Variants in DOK7 observed in about 807,000 individuals in gnomAD.
DOK7 encodes the protein docking protein 7, also known as protein Dok-7.
Under a neutral mutation model 30.7 loss-of-function variants are expected in DOK7, and 32 were observed. The ratio of observed to expected loss-of-function variants is 1.04; its 90% CI spans 0.79 to 1.40. DOK7 has a LOEUF of 1.40. Ranked by LOEUF, DOK7 falls within the 40% of genes most tolerant of loss-of-function variation. The pLI is 0.00. For missense variants in DOK7, 1,007 were observed against 699.2 expected, an observed-to-expected ratio of 1.44 and a Z score of -4.97; for synonymous variants, 447 against 324.1, an observed-to-expected ratio of 1.38 and a Z score of -4.07.
At chr4:3,500,439 G>A (rs1378227098) in intron 7 of DOK7, 1 of 1,531,736 alleles carries the variant, frequency 6.5e-7, no homozygotes, top group African/African-American at 1.4e-5. Flanking sequence ...ACTGACAATT[G>A]GGGGCTGGGA....
chr4:3,497,500 G>C (rs1012899183), downstream of DOK7, among the ~76,000 whole-genome samples: 2 of 152,160 alleles, frequency 1.3e-5, no homozygotes, highest in Admixed American at 6.5e-5. Flanking sequence ...CCCTGCTGAA[G>C]GTTGGGCAGG....
chr4:3,496,878 C>G, downstream of DOK7: 1 of 1,530,368 alleles, frequency 6.5e-7, no homozygotes, highest in Non-Finnish European at 8.7e-7. Context: ...CACCTGGAGC[C>G]AGTCCCCCAG....
chr4:3,468,728 GTA>G (rs1233344679), intron 2 of DOK7, among the ~76,000 whole-genome samples: 2 of 143,658 alleles, frequency 1.4e-5, no homozygotes, highest in African/African-American at 2.6e-5. Flanking sequence ...GTGCGTGCCT[GTA>G]TGTCTGCCTG....
At chr4:3,500,321 G>C in exon 7 of DOK7, 23 of 1,535,960 alleles carry the variant, frequency 1.5e-5, no homozygotes, top group Non-Finnish European at 2.0e-5. Flanking sequence ...CCACTTACGT[G>C]AACATCCCCG....
In DOK7 at chr4:3,494,002, G is replaced by A. The variant is rs1728738249; in HGVS notation, c.*501G>A. 7.0e-6 allele frequency: 7 copies of A among 993,042 alleles called. No homozygotes were observed. Among genetic ancestry groups the A allele is most frequent in the African/African-American group, 1.7e-5 (1 of 57,384 alleles). 61.5% of individuals were successfully genotyped at this position (993,042 alleles called of 1,614,324 possible). On this transcript the variant is annotated 3_prime_UTR_variant, in exon 7 of 7. Transcript: ENST00000340083. ...GGCTCCACCAGCCCAGCCCCCCTGG[G>A]CTCCGTGTGCGCTGGGCCTCATCCC...
chr4:3,485,394 C>A, intron 4 of DOK7, 145 bp from the exon 5 acceptor site: 1 of 1,138,434 alleles, frequency 8.8e-7, no homozygotes, highest in Non-Finnish European at 1.2e-6. Context: ...GGGGTGTCGG[C>A]TCTGGGCATC....
intron 6 of DOK7, among the ~76,000 whole-genome samples, chr4:3,492,444 G>A (rs1000250741): frequency 6.6e-6 from 1 of 152,080 alleles, no homozygotes; most frequent in East Asian, 1.9e-4. Flanking sequence ...TGTTAGGCAG[G>A]GAGGGTGGGG....
chr4:3,467,479 C>T (rs1191856689), intron 2 of DOK7, among the ~76,000 whole-genome samples: 1 of 144,218 alleles, frequency 6.9e-6, no homozygotes, highest in Admixed American at 6.8e-5. Flanking sequence ...ACATCCCTCC[C>T]CAACCCAAGT....
chr4:3,486,543 A>G (rs1419983784), intron 5 of DOK7, among the ~76,000 whole-genome samples: 1 of 152,166 alleles, frequency 6.6e-6, no homozygotes. Context: ...TCCTGGCCAC[A>G]GCCCCCAATG....
At position 3,493,235 on chromosome 4, in the gene DOK7, G is replaced by T. The variant is rs770472902; in HGVS notation, c.1249G>T (p.Asp417Tyr). ...ACGCAGCCTTTGCCTGGCTCCTAGA[G>T]ACCACAGCCCCCCCTCACAGGGCAG... ...TPRSLCLAPR[D>Y]HSPPSQGSPG... Residue 417 changes from aspartate to tyrosine, a missense_variant, in exon 7 of 7, where the codon GAC (aspartate) becomes TAC (tyrosine). By Grantham distance (160) the Asp-to-Tyr change is radical (BLOSUM62 -3). Coordinates refer to ENST00000340083, the MANE Select transcript of DOK7 (RefSeq NM_173660.5). The T allele has an allele frequency of 3.1e-6, 5 of 1,611,978 alleles. No homozygotes were observed. In the African/African-American group the frequency reaches 6.7e-5, roughly 22 times the overall value.
At chr4:3,492,674 C>T in intron 6 of DOK7, 85 bp from the exon 7 acceptor site, 3 of 1,571,792 alleles carry the variant, frequency 1.9e-6, no homozygotes, top group Non-Finnish European at 1.7e-6. Context: ...AGAGTGCTGG[C>T]CTGTGGGGGT....
intron 6 of DOK7, among the ~76,000 whole-genome samples, 177 bp downstream of exon 6, chr4:3,489,973 ATCCTTCCTTCCCCACCACCCTGCTCAT>A (rs1274066767): frequency 7.0e-5 from 6 of 86,070 alleles, no homozygotes; most frequent in African/African-American, 2.4e-4. Flanking sequence ...CTACTCATTC[ATCCTTCCTTCCCCACCACCCTGCTCAT>A]TCCTTCCTTC....
intron 3 of DOK7, among the ~76,000 whole-genome samples, chr4:3,474,019 C>G (rs1300267895): frequency 6.6e-6 from 1 of 152,052 alleles, no homozygotes; most frequent in Non-Finnish European, 1.5e-5. Context: ...CCAGCTTCCC[C>G]CCAAAACAGG....
chr4:3,490,239 C>T (rs1382744714), intron 6 of DOK7, among the ~76,000 whole-genome samples: 1 of 89,128 alleles, frequency 1.1e-5, no homozygotes, highest in Non-Finnish European at 2.2e-5. Context: ...TCATTCATTC[C>T]TTCCTTTTCT....
chr4:3,469,532 C>T (rs1726628634), intron 2 of DOK7, among the ~76,000 whole-genome samples: 1 of 152,092 alleles, frequency 6.6e-6, no homozygotes, highest in Admixed American at 6.5e-5. Context: ...TGAGAGACTC[C>T]CAGGTGCCCA....
Position 3,490,873 on chromosome 4 carries a change from A to G in DOK7, c.772+1077A>G, listed in dbSNP as rs537863144. ...TCCCCCCCACTCATTTCATTCCTTCATTACCCTCCTGCTCATTAATTTCTT... is the reference window on the plus strand; with the variant it reads ...TCCCCCCCACTCATTTCATTCCTTCGTTACCCTCCTGCTCATTAATTTCTT... On this transcript the variant is annotated intron_variant, in intron 6 of 6. Transcript: ENST00000340083. Among the ~76,000 whole-genome samples the G allele has an allele frequency of 2.1e-3, 150 of 72,136 alleles. 1 individual carries two copies. The South Asian group carries it at 0.023, about 11-fold the overall frequency. 47.3% of individuals were successfully genotyped at this position (72,136 alleles called of 152,430 possible). A position where few individuals can be genotyped will look rare whatever the true frequency, so the allele number is the denominator to read the frequency against.
At chr4:3,498,528 G>A (rs761558721), downstream of DOK7, among the ~76,000 whole-genome samples, 49 of 152,184 alleles carry the variant, frequency 3.2e-4, no homozygotes, top group Non-Finnish European at 6.2e-4. Context: ...CCGTGGGCAA[G>A]CCCCGGCCCT....
chr4:3,496,840 A>G (rs1364214637), downstream of DOK7: 2 of 1,534,878 alleles, frequency 1.3e-6, no homozygotes, highest in Non-Finnish European at 1.7e-6. Flanking sequence ...CCTCAGCCCC[A>G]GGACCTGCGA....
intron 5 of DOK7, among the ~76,000 whole-genome samples, chr4:3,489,042 T>C (rs545085919): frequency 3.2e-4 from 49 of 152,116 alleles, no homozygotes; most frequent in Non-Finnish European, 6.3e-4. Flanking sequence ...AAGGGGAGGT[T>C]TCCTGCCACT....
Sources: allele counts gnomAD v4.1 joint callset (sites outside exome capture counted in the v4.1 genomes callset), GRCh38; gene constraint gnomAD v4.1.1; transcripts MANE v1.5; gene names NCBI Gene and HGNC (gene_info 2026-07-23, HGNC 2026-07-21).